Variants in PCDH9 observed in about 807,000 individuals in gnomAD.
The protein encoded by PCDH9 is protocadherin 9, also known as protocadherin-9.
Under a neutral mutation model 70.6 loss-of-function variants are expected in PCDH9, and 24 were observed. The observed-to-expected ratio is 0.34, with a 90% confidence interval of 0.25 to 0.48. PCDH9 has a LOEUF of 0.48. Ranked by LOEUF, PCDH9 falls within the 20% of genes least tolerant of loss-of-function variation. The pLI, the probability that PCDH9 is intolerant of heterozygous loss-of-function variation, is 0.99. For missense variants in PCDH9, 1,281 were observed against 1,503.6 expected, an observed-to-expected ratio of 0.85 and a Z score of 2.45; for synonymous variants, 562 against 558.5, an observed-to-expected ratio of 1.01 and a Z score of -0.09.
At chr13:67,189,337 T>C (rs1310120988) in intron 2 of PCDH9, among the ~76,000 whole-genome samples, 1 of 152,076 alleles carries the variant, frequency 6.6e-6, no homozygotes, top group Non-Finnish European at 1.5e-5. Context: ...TTTTTACTGA[T>C]TCATTAAGTT....
At chr13:66,931,702 G>T (rs1402744561) in intron 2 of PCDH9, among the ~76,000 whole-genome samples, 1 of 152,042 alleles carries the variant, frequency 6.6e-6, no homozygotes, top group Non-Finnish European at 1.5e-5. Context: ...TTATCCGTAG[G>T]TTGCCTGTGT....
rs145436661 is a variant in PCDH9, at chr13:66,322,295, C to T, written c.3341-17267G>A. On this transcript the variant is annotated intron_variant, in intron 4 of 4. Transcript: ENST00000377865. Reference sequence around the variant, plus strand: ...ATCTCAATGACAGGTGTAAATTAACCTATGATCACCGTGGTTGGGATGATC... The same window carrying T: ...ATCTCAATGACAGGTGTAAATTAACTTATGATCACCGTGGTTGGGATGATC... Among the ~76,000 whole-genome samples the T allele has an allele frequency of 6.4e-3, 978 of 151,934 alleles. 23 individuals carry two copies. Among genetic ancestry groups the T allele is most frequent in the African/African-American group, 0.022 (925 of 41,324 alleles).
At chr13:67,129,397 C>CGT (rs906698466) in intron 2 of PCDH9, among the ~76,000 whole-genome samples, 1 of 151,932 alleles carries the variant, frequency 6.6e-6, no homozygotes, top group African/African-American at 2.4e-5. Context: ...ATAAAAAATA[C>CGT]GTGTGTGTGT....
At chr13:66,457,463 A>T (rs1373282390) in intron 4 of PCDH9, among the ~76,000 whole-genome samples, 1 of 152,102 alleles carries the variant, frequency 6.6e-6, no homozygotes, top group African/African-American at 2.4e-5. Context: ...TAATCAAGGA[A>T]ACCTACAAAT....
Position 66,983,179 on chromosome 13 carries a change from T to A in PCDH9, c.3037-79574A>T, listed in dbSNP as rs78414266. Among the ~76,000 whole-genome samples, 524 of 152,074 alleles carry A rather than the reference T, an allele frequency of 3.4e-3. 2 individuals carry two copies. Among genetic ancestry groups the A allele is most frequent in the African/African-American group, 0.012 (502 of 41,452 alleles). On this transcript the variant is annotated intron_variant, in intron 2 of 4. Coordinates refer to ENST00000377865, the MANE Select transcript of PCDH9 (RefSeq NM_203487.3). Reference sequence around the variant, plus strand: ...AATCACCACGGCAGACGTTTACCTATGTAAAAAAACCTGCACGTCCTGCAC... The same window carrying A: ...AATCACCACGGCAGACGTTTACCTAAGTAAAAAAACCTGCACGTCCTGCAC...
At chr13:66,666,633 C>G (rs187236357) in intron 3 of PCDH9, among the ~76,000 whole-genome samples, 1 of 152,158 alleles carries the variant, frequency 6.6e-6, no homozygotes, top group East Asian at 1.9e-4. Flanking sequence ...GTCTCACTAC[C>G]CTGGGCAATT....
chr13:67,070,632 A>C (rs1443418937), intron 2 of PCDH9, among the ~76,000 whole-genome samples: 1 of 152,168 alleles, frequency 6.6e-6, no homozygotes, highest in Non-Finnish European at 1.5e-5. Context: ...ATTCCCACTG[A>C]TTAAATTATA....
intron 2 of PCDH9, among the ~76,000 whole-genome samples, chr13:67,032,116 T>C (rs1187666446): frequency 6.6e-6 from 1 of 152,106 alleles, no homozygotes; most frequent in Non-Finnish European, 1.5e-5. Flanking sequence ...TAAACACAAA[T>C]TCTAAATGGC....
At chr13:67,070,689 C>T (rs1293810907) in intron 2 of PCDH9, among the ~76,000 whole-genome samples, 1 of 152,102 alleles carries the variant, frequency 6.6e-6, no homozygotes, top group Admixed American at 6.6e-5. Context: ...GTATATTTCT[C>T]TGTAAATTAT....
chr13:66,991,890 G>C (rs927568571), intron 2 of PCDH9, among the ~76,000 whole-genome samples: 1 of 152,102 alleles, frequency 6.6e-6, no homozygotes, highest in Non-Finnish European at 1.5e-5. Flanking sequence ...ATGATATTAA[G>C]AGAAGTCTCA....
At chr13:66,570,194 T>C (rs2076713915) in intron 4 of PCDH9, among the ~76,000 whole-genome samples, 1 of 152,140 alleles carries the variant, frequency 6.6e-6, no homozygotes, top group African/African-American at 2.4e-5. Context: ...TATACAACAT[T>C]GTTGAAATGA....
At chr13:66,743,494 TAA>T (rs67661788) in intron 3 of PCDH9, among the ~76,000 whole-genome samples, 61 of 144,676 alleles carry the variant, frequency 4.2e-4, no homozygotes, top group East Asian at 1.8e-3. Context: ...TAAAGTATAA[TAA>T]AAAAAAAAAA....
chr13:67,082,596 C>T (rs1196608115), intron 2 of PCDH9, among the ~76,000 whole-genome samples: 1 of 152,116 alleles, frequency 6.6e-6, no homozygotes, highest in Non-Finnish European at 1.5e-5. Flanking sequence ...CCTATACACT[C>T]ACCCCTTTTG....
chr13:66,522,164 A>G (rs931237582), intron 4 of PCDH9, among the ~76,000 whole-genome samples: 19 of 151,460 alleles, frequency 1.3e-4, no homozygotes, highest in Admixed American at 1.1e-3. Flanking sequence ...AAAAATACCA[A>G]TGTAGAAAAC....
At chr13:66,358,233 T>A (rs1956416631) in intron 4 of PCDH9, among the ~76,000 whole-genome samples, 1 of 152,112 alleles carries the variant, frequency 6.6e-6, no homozygotes, top group South Asian at 2.1e-4. Flanking sequence ...AGGGAAAGTC[T>A]CAGTTTTATA....
chr13:66,311,152 CTAT>C (rs1480248704), intron 4 of PCDH9, among the ~76,000 whole-genome samples: 2 of 152,052 alleles, frequency 1.3e-5, no homozygotes, highest in East Asian at 3.8e-4. Flanking sequence ...GCACTTACAG[CTAT>C]TGATATGCTC....
At chr13:67,054,028 T>C (rs530530294) in intron 2 of PCDH9, among the ~76,000 whole-genome samples, 6 of 152,248 alleles carry the variant, frequency 3.9e-5, no homozygotes, top group Admixed American at 2.0e-4. Flanking sequence ...CATTGCCAAT[T>C]TGCGCCCTCC....
rs140726670 is a variant in PCDH9, at chr13:67,143,565, T to C, written c.3036+81840A>G. On this transcript the variant is annotated intron_variant, in intron 2 of 4. Coordinates refer to ENST00000377865, the MANE Select transcript of PCDH9 (RefSeq NM_203487.3). ...TTTCAGACAATTTCCTTCAAAGCGG[T>C]CTAGCCAAAATAATAATAATAATAA... Among the ~76,000 whole-genome samples, 188 of 152,154 alleles carry C rather than the reference T, an allele frequency of 1.2e-3. 2 individuals carry two copies. The highest frequency in any genetic ancestry group is 4.2e-3 in the African/African-American group (174 of 41,492).
chr13:67,075,400 A>G (rs991531627), intron 2 of PCDH9, among the ~76,000 whole-genome samples: 2 of 152,108 alleles, frequency 1.3e-5, no homozygotes, highest in African/African-American at 4.8e-5. Context: ...AAACTGACAA[A>G]TGCAGTTTCT....
Sources: allele counts gnomAD v4.1 joint callset (sites outside exome capture counted in the v4.1 genomes callset), GRCh38; gene constraint gnomAD v4.1.1; transcripts MANE v1.5; gene names NCBI Gene and HGNC (gene_info 2026-07-23, HGNC 2026-07-21).